NIT2: variants seen among roughly 807,000 people sequenced by gnomAD.
NIT2 encodes the protein nitrilase family member 2.
In NIT2, 46 loss-of-function variants were observed where a neutral mutation model predicts 42.7. That is an observed-to-expected ratio of 1.08 (90% CI 0.85 to 1.38). NIT2 has a LOEUF of 1.38. Among genes scored for constraint, NIT2 ranks in the 40% most tolerant of loss-of-function variants. The pLI, the probability that NIT2 is intolerant of heterozygous loss-of-function variation, is 0.00. For synonymous variants in NIT2, 123 were observed against 121.9 expected (o/e 1.01, Z -0.06); for missense variants, 309 against 342.5 (o/e 0.90, Z 0.77).
intron 2 of NIT2, 97 bp downstream of exon 2, chr3:100,339,302 C>T: frequency 1.2e-6 from 1 of 815,804 alleles, no homozygotes; most frequent in South Asian, 1.4e-5. Flanking sequence ...TGGGGTCCAG[C>T]AGTGTCCCTT....
intron 6 of NIT2, among the ~76,000 whole-genome samples, chr3:100,347,129 C>T (rs1706225923): frequency 6.6e-6 from 1 of 151,894 alleles, no homozygotes; most frequent in African/African-American, 2.4e-5. Context: ...GAGTTTAGCT[C>T]TTGTCGCCCA....
chr3:100,336,687 C>T (rs1187188911), intron 1 of NIT2, among the ~76,000 whole-genome samples: 2 of 152,196 alleles, frequency 1.3e-5, no homozygotes, highest in Non-Finnish European at 2.9e-5. Flanking sequence ...TATTGCTGCC[C>T]GCCTGTCCCC....
intron 4 of NIT2, among the ~76,000 whole-genome samples, chr3:100,344,307 A>G (rs1220781520): frequency 6.6e-6 from 1 of 152,096 alleles, no homozygotes; most frequent in Non-Finnish European, 1.5e-5. Flanking sequence ...TTCTCTTCAG[A>G]TTTTGTCTGC....
At chr3:100,334,934 G>A in intron 1 of NIT2, 136 bp downstream of exon 1, 1 of 810,706 alleles carries the variant, frequency 1.2e-6, no homozygotes. Context: ...TGAGGCGGGC[G>A]TCCGCGTGGG....
At chr3:100,344,139 C>G (rs951717253) in intron 4 of NIT2, among the ~76,000 whole-genome samples, 1 of 152,186 alleles carries the variant, frequency 6.6e-6, no homozygotes, top group African/African-American at 2.4e-5. Flanking sequence ...AGGATTTCCC[C>G]CCTTGGTTTC....
intron 3 of NIT2, 85 bp from the exon 4 acceptor site, chr3:100,340,988 C>T (rs1042491827): frequency 9.1e-6 from 8 of 875,032 alleles, no homozygotes; most frequent in Non-Finnish European, 1.5e-5. Context: ...TATTTTTGGA[C>T]CCAAGTTATC....
intron 7 of NIT2, chr3:100,349,108 CTT>C (rs748206956): frequency 8.7e-3 from 1,984 of 227,312 alleles, no homozygotes; most frequent in South Asian, 0.016. Flanking sequence ...GGAAACTGTA[CTT>C]TTTTTTTTTT....
At chr3:100,346,924 G>T (rs751343666) in intron 6 of NIT2, among the ~76,000 whole-genome samples, 1 of 151,970 alleles carries the variant, frequency 6.6e-6, no homozygotes, top group Non-Finnish European at 1.5e-5. Flanking sequence ...CTGCTCAGAA[G>T]GTGGAGGTGC....
At chr3:100,343,061 T>C (rs1706173394) in intron 4 of NIT2, among the ~76,000 whole-genome samples, 1 of 152,014 alleles carries the variant, frequency 6.6e-6, no homozygotes, top group Non-Finnish European at 1.5e-5. Context: ...CTTTTTTTTT[T>C]TCTTCCCTGA....
intron 4 of NIT2, among the ~76,000 whole-genome samples, chr3:100,341,629 A>C (rs549218868): frequency 4.8e-4 from 73 of 152,118 alleles, no homozygotes; most frequent in African/African-American, 1.6e-3. Flanking sequence ...CAGCCTCCTA[A>C]AGTGCTGGGA....
rs574496999 is a variant in NIT2, at chr3:100,351,734, A to T, written c.585-670A>T. ...TGTCTAAAACACCAAAAGCAATGAC[A>T]ACAAAAGCCAAAATTGACAAATGGG... is the stretch of plus-strand genomic sequence containing the variant. On this transcript the variant is annotated intron_variant, in intron 7 of 9. Coordinates refer to ENST00000394140, the MANE Select transcript of NIT2 (RefSeq NM_020202.5). Among the ~76,000 whole-genome samples the T allele has an allele frequency of 3.3e-5, 5 of 152,356 alleles. 1 individual carries two copies. The South Asian group carries it at 1.0e-3, about 32-fold the overall frequency.
intron 6 of NIT2, among the ~76,000 whole-genome samples, chr3:100,346,533 T>C (rs1214538463): frequency 6.6e-6 from 1 of 152,156 alleles, no homozygotes; most frequent in Non-Finnish European, 1.5e-5. Flanking sequence ...GGAGAGTCAC[T>C]TGAAGCCCAG....
In NIT2 at chr3:100,340,162, CG is replaced by C. The variant is rs144618180; in HGVS notation, c.247+228del. On this transcript the variant is annotated intron_variant, in intron 3 of 9. Transcript: ENST00000394140. ...CATGGCCCACTGCAGCCTCACCCTA[CG>C]AGGCTCAAGTGATTCTCCCACCTCC... 4.5e-3 allele frequency among the ~76,000 whole-genome samples: 689 copies of C among 152,210 alleles called. 4 individuals are homozygous for C. The highest frequency in any genetic ancestry group is 0.013 in the African/African-American group (549 of 41,520).
chr3:100,351,523 A>G (rs1190970129), intron 7 of NIT2, among the ~76,000 whole-genome samples: 3 of 152,194 alleles, frequency 2.0e-5, no homozygotes, highest in Non-Finnish European at 4.4e-5. Flanking sequence ...TCCCTATTTA[A>G]TAAATGGTGC....
chr3:100,348,260 C>T (rs1434838747), intron 6 of NIT2, among the ~76,000 whole-genome samples: 8 of 152,144 alleles, frequency 5.3e-5, no homozygotes, highest in Non-Finnish European at 8.8e-5. Context: ...GGAGATTTCT[C>T]GGAATTGTGC....
chr3:100,354,763 CT>C lies in NIT2; in HGVS notation c.684-4del. ...TGAATCCACTCATTCTCTTCTGCAT[CT>C]TTTTCAGGGGGGAGGTTCTAGCCAA... On this transcript the variant is annotated splice_region_variant and splice_polypyrimidine_tract_variant and intron_variant, in intron 8 of 9. Coordinates refer to ENST00000394140, the MANE Select transcript of NIT2 (RefSeq NM_020202.5). The C allele has an allele frequency of 6.2e-7, 1 of 1,605,636 alleles. No individual in the cohort carries two copies. Among genetic ancestry groups the C allele is most frequent in the Non-Finnish European group, 8.5e-7 (1 of 1,175,762 alleles).
At chr3:100,335,329 T>A (rs1054524035) in intron 1 of NIT2, among the ~76,000 whole-genome samples, 1 of 152,240 alleles carries the variant, frequency 6.6e-6, no homozygotes, top group Non-Finnish European at 1.5e-5. Context: ...ATGTTAATGA[T>A]ACCTCACACA....
Position 100,334,798 on chromosome 3 carries a change from T to C in NIT2, c.7T>C (p.Ser3Pro). 3 of 1,305,214 alleles carry C rather than the reference T, an allele frequency of 2.3e-6. No homozygotes were observed. The highest frequency in any genetic ancestry group is 2.9e-6 in the Non-Finnish European group (3 of 1,021,064). 80.9% of individuals were successfully genotyped at this position (1,305,214 alleles called of 1,614,324 possible). A position where few individuals can be genotyped will look rare whatever the true frequency, so the allele number is the denominator to read the frequency against. The change falls in exon 1 of 10, where the codon TCT becomes CCT. Residue 3 changes from serine to proline, a missense_variant and splice_region_variant. By Grantham distance (74) the Ser-to-Pro change is moderately conservative. Transcript: ENST00000394140. MT[S>P]FRLALIQLQI... ...GGTGCTTGTCTGCAGAGTCATGACC[T>C]GTAAGTGGCGCGGCCGCGCGCTGCA... is the stretch of plus-strand genomic sequence containing the variant.
Position 100,355,895 on chromosome 3 carries a change from G to A in NIT2, c.*627G>A, listed in dbSNP as rs1433870230. 6.6e-6 allele frequency: 1 copy of A among 152,224 alleles called. No homozygotes were observed. The highest frequency in any genetic ancestry group is 1.5e-5 in the Non-Finnish European group (1 of 68,054). The allele number at this position is 152,224 out of a possible 1,614,324, so 9.4% of individuals were successfully genotyped here. ...GAGAATGGCAGTGGTGGCATTTAGT[G>A]AAGACAATTTAGTATGAATGTCTGC... is the stretch of plus-strand genomic sequence containing the variant. On this transcript the variant is annotated 3_prime_UTR_variant, in exon 10 of 10. Transcript: ENST00000394140.
Sources: gnomAD v4.1 joint callset for allele counts (sites outside exome capture counted in the v4.1 genomes callset) on GRCh38, gnomAD v4.1.1 for gene constraint, MANE v1.5 for transcripts, NCBI Gene and HGNC (gene_info 2026-07-23, HGNC 2026-07-21) for gene names.